The following KCNH1 variants were observed in gnomAD, a reference collection of about 807,000 sequenced individuals.
The protein encoded by KCNH1 is potassium voltage-gated channel subfamily H member 1, also known as voltage-gated delayed rectifier potassium channel KCNH1.
In KCNH1, 27 loss-of-function variants were observed where a neutral mutation model predicts 69.2. The observed-to-expected ratio is 0.39, with a 90% CI of 0.29 to 0.54. The LOEUF (loss-of-function observed/expected upper bound fraction) is 0.54. KCNH1 is among the 20% of genes least tolerant of loss of function. The pLI, the probability that KCNH1 is intolerant of heterozygous loss-of-function variation, is 0.68. For synonymous variants in KCNH1, 456 were observed against 487.7 expected, an observed-to-expected ratio of 0.93 and a Z score of 0.86; for missense variants, 798 against 1,261.6, an observed-to-expected ratio of 0.63 and a Z score of 5.57.
chr1:210,804,047 C>A lies in KCNH1; in HGVS notation c.1582G>T (p.Val528Leu). 6.2e-7 allele frequency: 1 copy of A among 1,614,170 alleles called. No homozygotes were observed. Among genetic ancestry groups the A allele is most frequent in the South Asian group, 1.1e-5 (1 of 91,080 alleles). Residue 528 changes from valine (V) to leucine (L), a missense_variant, in exon 8 of 11, where the codon GTG (valine) becomes TTG (leucine). Around this residue, in one of 4 missense-constraint regions of KCNH1, gnomAD observed 197 missense variants for 407.7 expected, o/e 0.48. Transcript: ENST00000271751. ...ACTCGCTCACTCAATCCTTTTGGCACCTGGTAGAGCTTCAGGAAGTCCCGA... is the reference window on the plus strand; with the variant it reads ...ACTCGCTCACTCAATCCTTTTGGCAACTGGTAGAGCTTCAGGAAGTCCCGA... The part of the protein sequence containing the change: ...SVRDFLKLYQ[V>L]PKGLSERVMD...
At chr1:210,746,490 T>C (rs567918147) in intron 10 of KCNH1, among the ~76,000 whole-genome samples, 79 of 152,238 alleles carry the variant, frequency 5.2e-4, no homozygotes, top group African/African-American at 1.9e-3. Flanking sequence ...GCCTCTCTTC[T>C]ACTCCCCATA....
intron 10 of KCNH1, 80 bp from the exon 11 acceptor site, chr1:210,684,218 A>G (rs1490818656): frequency 2.0e-5 from 28 of 1,401,176 alleles, no homozygotes; most frequent in East Asian, 2.4e-5. Flanking sequence ...CCTTCTGCCT[A>G]TCTTGGCCCT....
chr1:211,000,036 A>T (rs1457157492), intron 6 of KCNH1, among the ~76,000 whole-genome samples: 1 of 152,232 alleles, frequency 6.6e-6, no homozygotes, highest in East Asian at 1.9e-4. Context: ...GCTATCTATG[A>T]CAAACCCACA....
Position 210,893,385 on chromosome 1 carries a change from T to C in KCNH1, c.1462+26255A>G, listed in dbSNP as rs1186649083. Among the ~76,000 whole-genome samples the C allele has an allele frequency of 2.0e-5, 3 of 152,174 alleles. No individual in the cohort carries two copies. In the East Asian group the frequency reaches 5.8e-4, roughly 29 times the overall value. On this transcript the variant is annotated intron_variant, in intron 7 of 10. Transcript: ENST00000271751. ...TCTTTCTAACAAGAAATCTGATGCC[T>C]TTGTTCCTTGTTACATAGCATATAT...
intron 5 of KCNH1, among the ~76,000 whole-genome samples, chr1:211,078,450 C>G (rs1201041340): frequency 2.6e-5 from 4 of 152,170 alleles, no homozygotes; most frequent in African/African-American, 9.7e-5. Context: ...AACTAGAACT[C>G]AGGATTAAGA....
At chr1:211,084,109 C>T (rs1231517101) in intron 4 of KCNH1, among the ~76,000 whole-genome samples, 1 of 152,176 alleles carries the variant, frequency 6.6e-6, no homozygotes, top group Non-Finnish European at 1.5e-5. Flanking sequence ...AAAAGATACA[C>T]ATAGTGGTTT....
intron 7 of KCNH1, among the ~76,000 whole-genome samples, chr1:210,838,161 T>A (rs1685326561): frequency 6.6e-6 from 1 of 152,002 alleles, no homozygotes; most frequent in African/African-American, 2.4e-5. Flanking sequence ...ACCAGTAGAA[T>A]AGAATAGAGA....
intron 10 of KCNH1, among the ~76,000 whole-genome samples, chr1:210,758,697 T>C (rs753593144): frequency 6.6e-6 from 1 of 152,090 alleles, no homozygotes; most frequent in Non-Finnish European, 1.5e-5. Context: ...GGGGATAATA[T>C]ATCACCTTCC....
chr1:211,081,939 A>C (rs944738530), intron 5 of KCNH1, among the ~76,000 whole-genome samples: 5 of 152,238 alleles, frequency 3.3e-5, no homozygotes, highest in Non-Finnish European at 7.3e-5. Flanking sequence ...CACTTTGTGC[A>C]CATGTACCCT....
intron 10 of KCNH1, among the ~76,000 whole-genome samples, chr1:210,695,251 T>C (rs763388368): frequency 1.4e-4 from 21 of 152,248 alleles, no homozygotes; most frequent in Admixed American, 5.2e-4. Context: ...AGCTTAGTCA[T>C]GACAGCAGCT....
intron 6 of KCNH1, among the ~76,000 whole-genome samples, chr1:210,956,487 C>T (rs369906039): frequency 2.6e-4 from 39 of 150,182 alleles, no homozygotes; most frequent in African/African-American, 8.3e-4. Flanking sequence ...GTACAAGCTC[C>T]TCTTTGTACC....
chr1:211,111,273 A>G (rs1691455262), intron 1 of KCNH1, among the ~76,000 whole-genome samples: 1 of 152,152 alleles, frequency 6.6e-6, no homozygotes, highest in African/African-American at 2.4e-5. Context: ...CCCATCTAAG[A>G]AAAACCAAAC....
chr1:211,093,051 T>C (rs1023351992), intron 3 of KCNH1, among the ~76,000 whole-genome samples: 1 of 152,112 alleles, frequency 6.6e-6, no homozygotes, highest in Non-Finnish European at 1.5e-5. Flanking sequence ...AGGAACCCAC[T>C]CATGATGTCT....
At chr1:210,781,785 A>T (rs540239549) in intron 9 of KCNH1, among the ~76,000 whole-genome samples, 1 of 152,202 alleles carries the variant, frequency 6.6e-6, no homozygotes, top group Admixed American at 6.5e-5. Context: ...ACTGCCCTCA[A>T]CACGTTTTCC....
chr1:210,697,494 C>T (rs534916487), intron 10 of KCNH1, among the ~76,000 whole-genome samples: 1 of 152,358 alleles, frequency 6.6e-6, no homozygotes, highest in African/African-American at 2.4e-5. Flanking sequence ...GCAAGATGCT[C>T]TTGCCAAATG....
chr1:210,802,158 T>C (rs1684441779), intron 8 of KCNH1, among the ~76,000 whole-genome samples: 1 of 152,228 alleles, frequency 6.6e-6, no homozygotes, highest in African/African-American at 2.4e-5. Context: ...TTAATGCATG[T>C]TCAAGAAATG....
At chr1:211,107,521 G>A (rs1691377597) in intron 1 of KCNH1, 144 bp from the exon 2 acceptor site, 1 of 807,234 alleles carries the variant, frequency 1.2e-6, no homozygotes. Flanking sequence ...ATGTCGCCCT[G>A]TAAGGAATAT....
intron 3 of KCNH1, among the ~76,000 whole-genome samples, chr1:211,097,545 T>C (rs1691179621): frequency 6.6e-6 from 1 of 152,240 alleles, no homozygotes; most frequent in Admixed American, 6.5e-5. Flanking sequence ...AAGCAGCTCC[T>C]ATCACTGAAT....
intron 7 of KCNH1, among the ~76,000 whole-genome samples, chr1:210,874,889 A>G (rs1181105986): frequency 6.6e-6 from 1 of 152,192 alleles, no homozygotes; most frequent in Non-Finnish European, 1.5e-5. Context: ...GTATATCTCC[A>G]AATACACAGA....
Sources: allele counts gnomAD v4.1 joint callset (sites outside exome capture counted in the v4.1 genomes callset), GRCh38; gene constraint gnomAD v4.1.1; regional missense constraint gnomAD v4.1.1; transcripts MANE v1.5; gene names NCBI Gene and HGNC (gene_info 2026-07-23, HGNC 2026-07-21).